EIF2D: variants seen among roughly 807,000 people sequenced by gnomAD.
EIF2D encodes the protein eukaryotic translation initiation factor 2D, also known as hepatocellular carcinoma-associated antigen 56.
Under a neutral mutation model 77.4 loss-of-function variants are expected in EIF2D, and 56 were observed. The observed-to-expected ratio is 0.72, with a 90% confidence interval of 0.58 to 0.90. EIF2D has a LOEUF of 0.90. Ranked by LOEUF, EIF2D falls within the 40% of genes least tolerant of loss-of-function variation. The pLI, the probability that EIF2D is intolerant of heterozygous loss-of-function variation, is 0.00. For synonymous variants in EIF2D, 230 were observed against 271.0 expected (o/e 0.85, Z 1.49); for missense variants, 574 against 706.5 (o/e 0.81, Z 2.13).
intron 2 of EIF2D, 143 bp downstream of exon 2, chr1:206,611,041 C>T (rs1234996425): frequency 6.9e-6 from 5 of 727,600 alleles, no homozygotes; most frequent in Non-Finnish European, 1.1e-5. Flanking sequence ...CTAGGAACAC[C>T]AGGTCCATAA....
rs73080969 is a variant in EIF2D at position 206,581,797 on chromosome 1, G to A, written c.139-635C>T. On this transcript the variant is annotated intron_variant and NMD_transcript_variant, in intron 2 of 5. Transcript: ENST00000472709. The stretch of plus-strand genomic sequence containing the variant: ...GGTTCTGTGGGATTGGAAAGTGGAA[G>A]GAAGTGATGGCAGGTTGTTCAGGGT... 5.4e-3 allele frequency among the ~76,000 whole-genome samples: 819 copies of A among 152,262 alleles called. 10 individuals are homozygous for A. Among genetic ancestry groups the A allele is most frequent in the African/African-American group, 0.018 (768 of 41,536 alleles).
chr1:206,596,767 C>G (rs1210893928), intron 12 of EIF2D, among the ~76,000 whole-genome samples: 1 of 152,084 alleles, frequency 6.6e-6, no homozygotes, highest in African/African-American at 2.4e-5. Flanking sequence ...CTCAATGCAG[C>G]CTCCACCTCC....
At chr1:206,578,302 G>A (rs1442417099) in intron 4 of EIF2D, among the ~76,000 whole-genome samples, 1 of 151,462 alleles carries the variant, frequency 6.6e-6, no homozygotes, top group African/African-American at 2.4e-5. Flanking sequence ...GTATAGTGTT[G>A]CCTTTAGATG....
chr1:206,586,615 G>A (rs1553407684), intron 2 of EIF2D: 1 of 544,698 alleles, frequency 1.8e-6, no homozygotes, highest in Admixed American at 3.2e-5. Context: ...GCAACTCTTG[G>A]TCATGAGATG....
intron 14 of EIF2D, 24 bp from the exon 15 acceptor site, chr1:206,591,869 C>T: frequency 1.9e-6 from 3 of 1,613,506 alleles, no homozygotes; most frequent in Non-Finnish European, 1.7e-6. Context: ...AGCACACACT[C>T]CTCAGCGGAG....
At chr1:206,595,980 A>G in intron 12 of EIF2D, 142 bp from the exon 13 acceptor site, 2 of 1,147,860 alleles carry the variant, frequency 1.7e-6, no homozygotes, top group Non-Finnish European at 2.5e-6. Flanking sequence ...TCAAATCCCT[A>G]GGGAGCTACA....
chr1:206,612,404 C>G lies in EIF2D; in HGVS notation c.-62G>C. 6.2e-7 allele frequency: 1 copy of G among 1,606,862 alleles called. No individual in the cohort carries two copies. Among genetic ancestry groups the G allele is most frequent in the African/African-American group, 1.3e-5 (1 of 74,916 alleles). On this transcript the variant is annotated 5_prime_UTR_variant, in exon 1 of 15. Transcript: ENST00000271764. The stretch of plus-strand genomic sequence containing the variant: ...CCAGGGAATGTCAAGAAAGCGAGGG[C>G]GCAGCAGCTGCCAGGCCCTCAGCCG...
downstream of EIF2D, chr1:206,588,745 G>T (rs1176978969): frequency 6.5e-6 from 1 of 152,696 alleles, no homozygotes; most frequent in Non-Finnish European, 1.5e-5. Flanking sequence ...CAAAAACCCT[G>T]GTTAGCCATC....
At chr1:206,590,476 A>G (rs1332169828), downstream of EIF2D, among the ~76,000 whole-genome samples, 3 of 152,240 alleles carry the variant, frequency 2.0e-5, no homozygotes, top group East Asian at 1.9e-4. Context: ...GTTCATTACT[A>G]CTATACAGAT....
chr1:206,590,791 GAGAA>G (rs1246381165), downstream of EIF2D, among the ~76,000 whole-genome samples: 1 of 152,176 alleles, frequency 6.6e-6, no homozygotes, highest in Non-Finnish European at 1.5e-5. Context: ...AAACTGAGAA[GAGAA>G]AGAAACAAGT....
exon 5 of EIF2D, chr1:206,572,656 A>G (rs1241847858): frequency 6.6e-6 from 1 of 152,288 alleles, no homozygotes; most frequent in Non-Finnish European, 1.5e-5. Flanking sequence ...GCATCGTGCC[A>G]CAGGCACACA....
chr1:206,597,308 A>T (rs1287485938), intron 11 of EIF2D, 113 bp from the exon 12 acceptor site: 1 of 724,758 alleles, frequency 1.4e-6, no homozygotes, highest in East Asian at 2.8e-5. Context: ...GATATGAATC[A>T]ATTATGGGCC....
chr1:206,570,710 C>G (rs116459198), downstream of EIF2D, among the ~76,000 whole-genome samples: 1 of 152,094 alleles, frequency 6.6e-6, no homozygotes, highest in Non-Finnish European at 1.5e-5. Flanking sequence ...GGTTCATCCA[C>G]GTGATAGCAT....
At position 206,579,168 on chromosome 1, in the gene EIF2D, C is replaced by T. The variant is rs1668772049; in HGVS notation, c.*254+1524G>A. 6.6e-6 allele frequency among the ~76,000 whole-genome samples: 1 copy of T among 152,156 alleles called. No homozygotes were observed. The highest frequency in any genetic ancestry group is 1.5e-5 in the Non-Finnish European group (1 of 68,022). ...GCACAAACCTGTTTTTCACCAGTGCCCTGGACATGCCAAGTGCATTGGGAA... is the reference window on the plus strand; with the variant it reads ...GCACAAACCTGTTTTTCACCAGTGCTCTGGACATGCCAAGTGCATTGGGAA... On this transcript the variant is annotated intron_variant and NMD_transcript_variant, in intron 4 of 5. Transcript: ENST00000472709. This position sits in a 1 kb window ranked among gnomAD's most constrained non-coding sequence, Gnocchi z 4.2.
At chr1:206,590,052 A>G (rs912962568), downstream of EIF2D, among the ~76,000 whole-genome samples, 1 of 152,376 alleles carries the variant, frequency 6.6e-6, no homozygotes, top group African/African-American at 2.4e-5. Flanking sequence ...TAATAAATTC[A>G]AAGTTGTACG....
Position 206,583,351 on chromosome 1 carries a change from G to A in EIF2D, c.139-2189C>T, listed in dbSNP as rs200076913. ...CAGAAGATCGACAGCTACAACACGC[G>A]AGAGAAGAACTGCCTGGGCATGAAA... On this transcript the variant is annotated intron_variant and NMD_transcript_variant, in intron 2 of 5. Transcript: ENST00000472709. 2.2e-5 allele frequency: 35 copies of A among 1,613,112 alleles called. No individual in the cohort carries two copies. Among genetic ancestry groups the A allele is most frequent in the Non-Finnish European group, 2.9e-5 (34 of 1,179,512 alleles).
chr1:206,598,967 C>T (rs781848226), intron 11 of EIF2D, 36 bp downstream of exon 11: 4 of 1,595,820 alleles, frequency 2.5e-6, no homozygotes, highest in East Asian at 2.2e-5. Context: ...AGACAAAGAC[C>T]CAATAAGACA....
At position 206,608,341 on chromosome 1, in the gene EIF2D, A is replaced by C; in HGVS notation, c.332-15T>G. On this transcript the variant is annotated splice_polypyrimidine_tract_variant and intron_variant, in intron 3 of 14. Coordinates refer to ENST00000271764, the MANE Select transcript of EIF2D (RefSeq NM_006893.3). ...CAGCATCAAATCTGCAATGAACAAA[A>C]AAAATCACAACCTGCATTCAGCCTC... 1 of 1,604,674 alleles carries C rather than the reference A, an allele frequency of 6.2e-7. No individual in the cohort carries two copies. Among genetic ancestry groups the C allele is most frequent in the South Asian group, 1.1e-5 (1 of 89,840 alleles).
At position 206,595,845 on chromosome 1, in the gene EIF2D, C is replaced by T. The variant is rs1558532266; in HGVS notation, c.1389-7G>A. The T allele has an allele frequency of 1.2e-6, 2 of 1,613,792 alleles. No individual in the cohort carries two copies. Among genetic ancestry groups the T allele is most frequent in the South Asian group, 1.1e-5 (1 of 91,044 alleles). Reference sequence around the variant, plus strand: ...CTGTAATTTTTCCAAACACCTGAAACAGAAGTTATGAGTTGCAAACTGATA... The same window carrying T: ...CTGTAATTTTTCCAAACACCTGAAATAGAAGTTATGAGTTGCAAACTGATA... On this transcript the variant is annotated splice_region_variant and splice_polypyrimidine_tract_variant and intron_variant, in intron 12 of 14. Coordinates refer to ENST00000271764, the MANE Select transcript of EIF2D (RefSeq NM_006893.3).
Sources: gnomAD v4.1 joint callset for allele counts (sites outside exome capture counted in the v4.1 genomes callset) on GRCh38, gnomAD v4.1.1 for gene constraint, Gnocchi (gnomAD v3.1) non-coding constraint, MANE v1.5 for transcripts, NCBI Gene and HGNC (gene_info 2026-07-23, HGNC 2026-07-21) for gene names.